CBFA2T2: variants seen among roughly 807,000 people sequenced by gnomAD.
CBFA2T2 encodes protein CBFA2T2.
In CBFA2T2, 11 loss-of-function variants were observed where a neutral mutation model predicts 62.2. The observed-to-expected ratio is 0.18, with a 90% confidence interval of 0.11 to 0.29. The LOEUF (loss-of-function observed/expected upper bound fraction) is 0.29. CBFA2T2 is among the 10% of genes least tolerant of loss of function. The probability of loss-of-function intolerance (pLI) is 1.00; values close to 1 mark genes in which losing one functional copy is unlikely to be tolerated. For synonymous variants in CBFA2T2, 295 were observed against 287.5 expected (o/e 1.03, Z -0.27); for missense variants, 592 against 774.1 (o/e 0.76, Z 2.79).
intron 1 of CBFA2T2, among the ~76,000 whole-genome samples, chr20:33,513,563 A>C (rs1468611940): frequency 6.6e-6 from 1 of 151,478 alleles, no homozygotes; most frequent in African/African-American, 2.4e-5. Context: ...GGGTTTCACC[A>C]TGTTGGCCAG....
chr20:33,534,751 C>CTTTTTTTTTT (rs11167206), intron 1 of CBFA2T2, among the ~76,000 whole-genome samples: 21 of 92,956 alleles, frequency 2.3e-4, no homozygotes, highest in East Asian at 7.6e-4. Context: ...ATCTTTTTAG[C>CTTTTTTTTTT]TTTTTTTTTT....
At chr20:33,606,307 T>C (rs2015337178) in intron 1 of CBFA2T2, among the ~76,000 whole-genome samples, 1 of 152,222 alleles carries the variant, frequency 6.6e-6, no homozygotes, top group Non-Finnish European at 1.5e-5. Flanking sequence ...TCTCAGCCAC[T>C]ATCTAAAGAC....
At chr20:33,535,946 A>G (rs1186627969) in intron 1 of CBFA2T2, among the ~76,000 whole-genome samples, 2 of 152,338 alleles carry the variant, frequency 1.3e-5, no homozygotes, top group Non-Finnish European at 2.9e-5. Context: ...TTTAAGCCTG[A>G]GTGGACACAG....
In CBFA2T2 at chr20:33,643,671, C is replaced by G. The variant is rs554052551; in HGVS notation, c.1489-676C>G. Among the ~76,000 whole-genome samples, 47 of 148,092 alleles carry G rather than the reference C, an allele frequency of 3.2e-4. 1 individual carries two copies. Among genetic ancestry groups the G allele is most frequent in the Admixed American group, 1.4e-3 (20 of 14,780 alleles). On this transcript the variant is annotated intron_variant, in intron 10 of 10. Transcript: ENST00000342704. ...CAGCTGGGCGCTTATAATCCTGACA[C>G]TTTGGGAGGCTGAGACAGGCAGATC...
chr20:33,621,512 A>G (rs2015987584), intron 4 of CBFA2T2, among the ~76,000 whole-genome samples: 1 of 151,942 alleles, frequency 6.6e-6, no homozygotes, highest in African/African-American at 2.4e-5. Flanking sequence ...CATATTGTCC[A>G]GGCTGGTCTC....
chr20:33,621,287 C>CTTTTTTTTTTTTTTTTTTTTTT lies in CBFA2T2; in HGVS notation c.510+1686_510+1707dup, dbSNP rs199805350. Among the ~76,000 whole-genome samples the CTTTTTTTTTTTTTTTTTTTTTT allele has an allele frequency of 1.7e-3, 143 of 85,278 alleles. 14 individuals are homozygous for CTTTTTTTTTTTTTTTTTTTTTT. Among genetic ancestry groups the CTTTTTTTTTTTTTTTTTTTTTT allele is most frequent in the East Asian group, 5.0e-3 (12 of 2,418 alleles). The allele number at this position is 85,278 out of a possible 152,430, so 55.9% of individuals were successfully genotyped here. On this transcript the variant is annotated intron_variant, in intron 4 of 10. Transcript: ENST00000342704. Reference sequence around the variant, plus strand: ...TCTATAATACCTTTAATTTTACTGCCTTTTTTTTTTTTTTTTTTTTTTTTT... The same window carrying CTTTTTTTTTTTTTTTTTTTTTT: ...TCTATAATACCTTTAATTTTACTGCCTTTTTTTTTTTTTTTTTTTTTTTTTTTTTTTTTTTTTTTTTTTTTTT...
intron 1 of CBFA2T2, among the ~76,000 whole-genome samples, chr20:33,605,125 C>T (rs2015290576): frequency 6.6e-6 from 1 of 152,184 alleles, no homozygotes; most frequent in African/African-American, 2.4e-5. Flanking sequence ...CCAAGTGTGG[C>T]CACTGCAAAC....
chr20:33,611,394 G>A (rs1040212972), intron 3 of CBFA2T2, 59 bp downstream of exon 3: 71 of 1,591,190 alleles, frequency 4.5e-5, no homozygotes, highest in Non-Finnish European at 5.6e-5. Flanking sequence ...GGTCCAAAGC[G>A]AGCAAAGTTC....
intron 1 of CBFA2T2, among the ~76,000 whole-genome samples, chr20:33,605,797 A>G (rs555811935): frequency 2.8e-4 from 42 of 152,104 alleles, no homozygotes; most frequent in African/African-American, 6.5e-4. Context: ...ATGTATATAT[A>G]TAATTTAGTA....
chr20:33,571,468 T>G (rs746174475), intron 1 of CBFA2T2, among the ~76,000 whole-genome samples: 1 of 152,222 alleles, frequency 6.6e-6, no homozygotes, highest in Non-Finnish European at 1.5e-5. Context: ...AATTCATATA[T>G]CCATTTTTTT....
chr20:33,564,832 G>A (rs1460906073), intron 1 of CBFA2T2, among the ~76,000 whole-genome samples: 2 of 151,976 alleles, frequency 1.3e-5, no homozygotes, highest in African/African-American at 4.8e-5. Flanking sequence ...GAGCCACCTC[G>A]ACCTCCCAAA....
rs1051017057 is a variant in CBFA2T2, at chr20:33,542,233, C to T, written c.34+51932C>T. Among the ~76,000 whole-genome samples the T allele has an allele frequency of 3.9e-5, 6 of 152,086 alleles. No homozygotes were observed. The East Asian group carries it at 5.8e-4, about 15-fold the overall frequency. The stretch of plus-strand genomic sequence containing the variant: ...GTTTACAGCATCTAGCCTAGTACCT[C>T]GTTTTGCTCTTCTATTGCCTGAGTG... On this transcript the variant is annotated intron_variant, in intron 1 of 10. Transcript: ENST00000342704.
chr20:33,515,510 A>G (rs1413153202), intron 1 of CBFA2T2, among the ~76,000 whole-genome samples: 2 of 152,058 alleles, frequency 1.3e-5, no homozygotes, highest in African/African-American at 2.4e-5. Flanking sequence ...CATTGACACT[A>G]TAGTTTTTTA....
intron 1 of CBFA2T2, among the ~76,000 whole-genome samples, chr20:33,535,962 G>A (rs1043803573): frequency 6.6e-6 from 1 of 152,230 alleles, no homozygotes; most frequent in African/African-American, 2.4e-5. Context: ...CACAGCACAT[G>A]TTTCAGAGAG....
intron 1 of CBFA2T2, among the ~76,000 whole-genome samples, chr20:33,572,701 A>T (rs2146904319): frequency 6.6e-6 from 1 of 152,330 alleles, no homozygotes; most frequent in East Asian, 1.9e-4. Context: ...CGAAGAGAAG[A>T]GGGTAGAGAG....
intron 1 of CBFA2T2, among the ~76,000 whole-genome samples, chr20:33,559,177 T>C (rs1186185228): frequency 7.3e-6 from 1 of 137,248 alleles, no homozygotes; most frequent in African/African-American, 3.0e-5. Flanking sequence ...CCTTTCTTTT[T>C]TTTTTTTTTT....
chr20:33,581,467 TG>T (rs1190543176), intron 1 of CBFA2T2, among the ~76,000 whole-genome samples: 2 of 151,564 alleles, frequency 1.3e-5, no homozygotes, highest in East Asian at 3.8e-4. Flanking sequence ...CAAGGTTTTT[TG>T]TTTTTTGTTC....
Position 33,644,365 on chromosome 20 carries a change from C to A in CBFA2T2, c.1507C>A (p.Arg503Ser), listed in dbSNP as rs1411762215. The change falls in exon 11 of 11, where the codon CGC becomes AGC. Residue 503 changes from arginine (R) to serine (S), a missense_variant. Transcript: ENST00000342704. ...ESTENCWNCG[R>S]KASETCSGCN... ...CTTGCAGAACTGCTGGAACTGTGGC[C>A]GCAAAGCCAGCGAGACATGCAGTGG... 1 of 1,611,136 alleles carries A rather than the reference C, an allele frequency of 6.2e-7. No homozygotes were observed. Among genetic ancestry groups the A allele is most frequent in the Non-Finnish European group, 8.5e-7 (1 of 1,177,708 alleles).
intron 8 of CBFA2T2, among the ~76,000 whole-genome samples, chr20:33,631,934 A>G (rs2016468724): frequency 6.6e-6 from 1 of 152,214 alleles, no homozygotes; most frequent in Non-Finnish European, 1.5e-5. Flanking sequence ...CAAAATGTGA[A>G]CCAAAATGAC....
Sources: allele counts gnomAD v4.1 joint callset (sites outside exome capture counted in the v4.1 genomes callset), GRCh38; gene constraint gnomAD v4.1.1; transcripts MANE v1.5; gene names NCBI Gene and HGNC (gene_info 2026-07-23, HGNC 2026-07-21).